The following EGFLAM variants were observed in gnomAD, a reference collection of about 807,000 sequenced individuals.
EGFLAM encodes the protein pikachurin.
Under a neutral mutation model 113.1 loss-of-function variants are expected in EGFLAM, and 79 were observed. The observed-to-expected ratio is 0.70, with a 90% CI of 0.58 to 0.84. The LOEUF (loss-of-function observed/expected upper bound fraction) is 0.84. Among genes scored for constraint, EGFLAM ranks in the 40% least tolerant of loss-of-function variants. The pLI is 0.00. For missense variants in EGFLAM, 1,265 were observed against 1,291.6 expected, an observed-to-expected ratio of 0.98 and a Z score of 0.32; for synonymous variants, 504 against 487.6, an observed-to-expected ratio of 1.03 and a Z score of -0.44.
intron 15 of EGFLAM, among the ~76,000 whole-genome samples, chr5:38,432,392 G>T (rs928724206): frequency 1.3e-5 from 2 of 151,888 alleles, no homozygotes; most frequent in Non-Finnish European, 2.9e-5. Context: ...GGGCCTCCTT[G>T]GGAATGAGGG....
At chr5:38,449,656 ATGTGTG>A (rs923618461) in intron 18 of EGFLAM, among the ~76,000 whole-genome samples, 13 of 151,162 alleles carry the variant, frequency 8.6e-5, no homozygotes, top group African/African-American at 3.2e-4. Context: ...GTGTGTGTGT[ATGTGTG>A]TGTGCGCATG....
rs1740173639 is a variant in EGFLAM, at chr5:38,370,391, T to C, written c.641T>C (p.Phe214Ser). ...KGLDPDTNYQ[F>S]AVRAMNSHGP... is the part of the protein sequence containing the mutation. ...CTCGATCCAGATACCAACTACCAGT[T>C]TGCCGTGAGGGCAATGAATTCCCAT... is the stretch of plus-strand genomic sequence containing the variant. Residue 214 changes from phenylalanine to serine, a missense_variant, in exon 6 of 22, where the codon TTT becomes TCT. By Grantham distance (155) the Phe-to-Ser change is radical (BLOSUM62 -2). Coordinates refer to ENST00000322350, the MANE Select transcript of EGFLAM (RefSeq NM_152403.4). 1 of 1,614,230 alleles carries C rather than the reference T, an allele frequency of 6.2e-7. No individual in the cohort carries two copies. Among genetic ancestry groups the C allele is most frequent in the Non-Finnish European group, 8.5e-7 (1 of 1,180,034 alleles).
intron 5 of EGFLAM, among the ~76,000 whole-genome samples, chr5:38,361,621 T>TA (rs145714887): frequency 4.5e-4 from 66 of 147,106 alleles, no homozygotes; most frequent in Middle Eastern, 7.0e-3. Context: ...CTGATGAACT[T>TA]AAAAAAAAAA....
At chr5:38,306,992 GCTT>G (rs1758735407) in intron 1 of EGFLAM, among the ~76,000 whole-genome samples, 1 of 152,190 alleles carries the variant, frequency 6.6e-6, no homozygotes, top group African/African-American at 2.4e-5. Flanking sequence ...CCCCGGCTGA[GCTT>G]CTAGCCAACT....
intron 6 of EGFLAM, chr5:38,403,860 C>A: frequency 6.2e-7 from 1 of 1,613,954 alleles, no homozygotes; most frequent in Non-Finnish European, 8.5e-7. Context: ...AGATACGCTG[C>A]ATGCAGGTGG....
chr5:38,387,107 T>C (rs960275938), intron 6 of EGFLAM, among the ~76,000 whole-genome samples: 1 of 152,094 alleles, frequency 6.6e-6, no homozygotes, highest in Non-Finnish European at 1.5e-5. Flanking sequence ...GGCAGAAGGT[T>C]TTCTGGGCTG....
intron 12 of EGFLAM, among the ~76,000 whole-genome samples, chr5:38,423,756 C>A (rs1178697533): frequency 6.6e-6 from 1 of 152,206 alleles, no homozygotes; most frequent in African/African-American, 2.4e-5. Flanking sequence ...AGGCTAGCCA[C>A]CCCCAGCTGG....
At position 38,348,049 on chromosome 5, in the gene EGFLAM, T is replaced by TGAGA. The variant is rs59761113; in HGVS notation, c.292-2433_292-2430dup. On this transcript the variant is annotated intron_variant, in intron 3 of 21. Transcript: ENST00000322350. ...CATCAAGAATTCTGGCCTTGGGTAA[T>TGAGA]GAGAGAGAGAGAGAGAGAGAGAAGG... Among the ~76,000 whole-genome samples the TGAGA allele has an allele frequency of 3.4e-3, 500 of 147,690 alleles. 1 individual carries two copies. The highest frequency in any genetic ancestry group is 0.021 in the East Asian group (108 of 5,028).
intron 1 of EGFLAM, among the ~76,000 whole-genome samples, chr5:38,326,798 G>C (rs1189040420): frequency 1.4e-5 from 2 of 148,066 alleles, no homozygotes; most frequent in Non-Finnish European, 3.0e-5. Context: ...GGCCCGTAAG[G>C]GTATTTTTTT....
In EGFLAM at chr5:38,448,954, C is replaced by T. The variant is rs545402067; in HGVS notation, c.2543+575C>T. Among the ~76,000 whole-genome samples, 10 of 152,302 alleles carry T rather than the reference C, an allele frequency of 6.6e-5. No homozygotes were observed. The East Asian group carries it at 1.9e-3, about 29-fold the overall frequency. On this transcript the variant is annotated intron_variant, in intron 18 of 21. Transcript: ENST00000322350. Reference sequence around the variant, plus strand: ...CTCTTCATGTGGATACAGGGAAATGCCCAAGTCACAGCCATGGCATCTCAC... The same window carrying T: ...CTCTTCATGTGGATACAGGGAAATGTCCAAGTCACAGCCATGGCATCTCAC...
chr5:38,438,374 C>T lies in EGFLAM; in HGVS notation c.2383C>T (p.His795Tyr). 1.2e-6 allele frequency: 2 copies of T among 1,613,990 alleles called. No individual in the cohort carries two copies. The highest frequency in any genetic ancestry group is 1.7e-6 in the Non-Finnish European group (2 of 1,179,934). The change falls in exon 17 of 22, where the codon CAT (histidine) becomes TAT (tyrosine). Residue 795 changes from histidine to tyrosine, a missense_variant. His to Tyr is a moderately conservative substitution (Grantham distance 83, BLOSUM62 2). Coordinates refer to ENST00000322350, the MANE Select transcript of EGFLAM (RefSeq NM_152403.4). Reference protein sequence around the residue: ...AHPCVRAPCAHGGSCRPRKEG... With the variant: ...AHPCVRAPCAYGGSCRPRKEG... ...CCCCTGTGTGAGAGCCCCTTGTGCCCATGGGGGCAGCTGCCGGCCCAGGAA... is the reference window on the plus strand; with the variant it reads ...CCCCTGTGTGAGAGCCCCTTGTGCCTATGGGGGCAGCTGCCGGCCCAGGAA...
intron 6 of EGFLAM, among the ~76,000 whole-genome samples, chr5:38,400,894 G>A (rs779619635): frequency 6.6e-6 from 1 of 151,972 alleles, no homozygotes; most frequent in Admixed American, 6.6e-5. Context: ...TGATCCCTGC[G>A]GTCTCTCTAT....
At chr5:38,426,323 A>G (rs1375718409) in intron 13 of EGFLAM, among the ~76,000 whole-genome samples, 1 of 152,228 alleles carries the variant, frequency 6.6e-6, no homozygotes, top group African/African-American at 2.4e-5. Context: ...GCAAATAATA[A>G]CAGAAAATTT....
chr5:38,298,538 A>C (rs769467661), intron 1 of EGFLAM, among the ~76,000 whole-genome samples: 1 of 152,052 alleles, frequency 6.6e-6, no homozygotes, highest in Non-Finnish European at 1.5e-5. Context: ...TGGTATTAAT[A>C]CTCTATTATA....
intron 4 of EGFLAM, 89 bp from the exon 5 acceptor site, chr5:38,352,107 A>C: frequency 1.3e-6 from 2 of 1,573,272 alleles, no homozygotes; most frequent in Non-Finnish European, 1.7e-6. Context: ...AAACGTCTCC[A>C]ATGGCTGAGA....
chr5:38,262,819 G>A (rs1010764427), intron 1 of EGFLAM, among the ~76,000 whole-genome samples: 1 of 152,136 alleles, frequency 6.6e-6, no homozygotes, highest in African/African-American at 2.4e-5. Context: ...GAAGATATAT[G>A]TTTCCATTTC....
At chr5:38,426,877 C>T in intron 13 of EGFLAM, 132 bp from the exon 14 acceptor site, 1 of 1,371,592 alleles carries the variant, frequency 7.3e-7, no homozygotes, top group Non-Finnish European at 9.9e-7. Flanking sequence ...AGTCACACCA[C>T]CAACCTAACT....
chr5:38,350,550 T>C lies in EGFLAM; in HGVS notation c.341T>C (p.Ile114Thr), dbSNP rs756317711. ...LKPGTEYRVS[I>T]AAYSQAGKGR... ...CCAGGCACTGAATATCGTGTGAGCA[T>C]AGCAGCTTACAGCCAGGCTGGCAAA... is the stretch of plus-strand genomic sequence containing the variant. Residue 114 changes from isoleucine (I) to threonine (T), a missense_variant, in exon 4 of 22, where the codon ATA becomes ACA. Coordinates refer to ENST00000322350, the MANE Select transcript of EGFLAM (RefSeq NM_152403.4). 2.5e-5 allele frequency: 40 copies of C among 1,613,992 alleles called. No homozygotes were observed. Among genetic ancestry groups the C allele is most frequent in the Non-Finnish European group, 3.3e-5 (39 of 1,179,994 alleles).
intron 20 of EGFLAM, 149 bp downstream of exon 20, chr5:38,458,543 C>G (rs117982734): frequency 4.3e-6 from 3 of 697,480 alleles, no homozygotes; most frequent in East Asian, 5.6e-5. Context: ...GAATTTTCTA[C>G]CAATTCCCGC....
Sources: allele counts gnomAD v4.1 joint callset (sites outside exome capture counted in the v4.1 genomes callset), GRCh38; gene constraint gnomAD v4.1.1; transcripts MANE v1.5; gene names NCBI Gene and HGNC (gene_info 2026-07-23, HGNC 2026-07-21).